Variants in PEAK1 observed in about 807,000 individuals in gnomAD.
PEAK1 encodes pseudopodium enriched atypical kinase 1, also known as inactive tyrosine-protein kinase PEAK1.
Under a neutral mutation model 124.7 loss-of-function variants are expected in PEAK1, and 54 were observed. The observed-to-expected ratio is 0.43, with a 90% CI of 0.35 to 0.54. The LOEUF (loss-of-function observed/expected upper bound fraction) is 0.54, where lower values mean the gene tolerates loss of function less well. Ranked by LOEUF, PEAK1 falls within the 20% of genes least tolerant of loss-of-function variation. The pLI is 0.01. For synonymous variants in PEAK1, 719 were observed against 760.0 expected (o/e 0.95, Z 0.89); for missense variants, 2,046 against 2,134.5 (o/e 0.96, Z 0.82).
intron 8 of PEAK1, among the ~76,000 whole-genome samples, chr15:77,135,213 C>A (rs1196767621): frequency 6.6e-6 from 1 of 152,210 alleles, no homozygotes; most frequent in East Asian, 1.9e-4. Flanking sequence ...CTCATACATT[C>A]TCCTACTATT....
At chr15:77,376,055 A>G (rs972215099) in intron 1 of PEAK1, among the ~76,000 whole-genome samples, 1 of 151,094 alleles carries the variant, frequency 6.6e-6, no homozygotes, top group Admixed American at 6.6e-5. Context: ...GTAATAATAA[A>G]AATAAATGAG....
chr15:77,257,169 C>T (rs141488831), intron 5 of PEAK1, among the ~76,000 whole-genome samples: 3,922 of 152,028 alleles, frequency 0.026, 74 homozygotes, highest in Middle Eastern at 0.065. Flanking sequence ...CTATTGTGAA[C>T]AGTGCCACAA....
chr15:77,127,150 G>GCT (rs202038970), intron 9 of PEAK1, among the ~76,000 whole-genome samples: 3 of 151,828 alleles, frequency 2.0e-5, no homozygotes, highest in Non-Finnish European at 4.4e-5. Flanking sequence ...TCTCTCTCAC[G>GCT]CTCTCTCTCT....
intron 6 of PEAK1, among the ~76,000 whole-genome samples, chr15:77,201,712 G>A (rs1377255713): frequency 6.6e-6 from 1 of 152,114 alleles, no homozygotes; most frequent in Non-Finnish European, 1.5e-5. Flanking sequence ...TGAAGTTCTA[G>A]CATATCCCAA....
chr15:77,296,143 G>C (rs2063475554), intron 2 of PEAK1, among the ~76,000 whole-genome samples: 1 of 152,158 alleles, frequency 6.6e-6, no homozygotes, highest in Non-Finnish European at 1.5e-5. Context: ...AAGGCACTAA[G>C]AGAGCAACGT....
chr15:77,291,966 G>C (rs1443493432), intron 2 of PEAK1, among the ~76,000 whole-genome samples: 1 of 118,302 alleles, frequency 8.5e-6, no homozygotes, highest in Non-Finnish European at 1.7e-5. Context: ...GACGGAGCAA[G>C]ACTCCGTCTC....
intron 2 of PEAK1, among the ~76,000 whole-genome samples, chr15:77,293,737 A>G (rs1218592594): frequency 1.3e-5 from 2 of 152,218 alleles, no homozygotes; most frequent in South Asian, 2.1e-4. Context: ...TGGATTTGTT[A>G]TATTATTCTC....
At chr15:77,101,449 C>T (rs2050693030) in exon 7 of PEAK1, 1 of 152,248 alleles carries the variant, frequency 6.6e-6, no homozygotes. Flanking sequence ...TAAATACCCA[C>T]TCAGAGTTTG....
chr15:77,376,316 G>C (rs2069023209), intron 1 of PEAK1, among the ~76,000 whole-genome samples: 1 of 152,036 alleles, frequency 6.6e-6, no homozygotes, highest in Non-Finnish European at 1.5e-5. Flanking sequence ...ATTAAGGGAA[G>C]AGTTTATCTT....
chr15:77,416,997 A>G (rs2072931835), intron 1 of PEAK1, among the ~76,000 whole-genome samples: 1 of 152,188 alleles, frequency 6.6e-6, no homozygotes, highest in Non-Finnish European at 1.5e-5. Context: ...CAGCACTGGT[A>G]TAAGATGTAC....
At chr15:77,145,555 T>C (rs12917081) in intron 8 of PEAK1, among the ~76,000 whole-genome samples, 11,689 of 152,194 alleles carry the variant, frequency 0.077, 557 homozygotes, top group Non-Finnish European at 0.1. Flanking sequence ...CTTAGGGTGC[T>C]AGGGATAAAG....
At chr15:77,395,608 A>T (rs1380413476) in intron 1 of PEAK1, among the ~76,000 whole-genome samples, 2 of 152,148 alleles carry the variant, frequency 1.3e-5, no homozygotes, top group Non-Finnish European at 1.5e-5. Context: ...GACTGGCGGG[A>T]GACTTTTCAG....
intron 1 of PEAK1, among the ~76,000 whole-genome samples, chr15:77,369,693 T>TTAATTCATTATAAATAATTAATAATTCA (rs557161793): frequency 0.011 from 1,694 of 152,270 alleles, 41 homozygotes; most frequent in African/African-American, 0.039. Flanking sequence ...CATAAATGGA[T>TTAATTCATTATAAATAATTAATAATTCA]GAAACAGGTC....
intron 8 of PEAK1, among the ~76,000 whole-genome samples, chr15:77,153,396 T>C (rs546075536): frequency 6.6e-6 from 1 of 152,328 alleles, no homozygotes; most frequent in South Asian, 2.1e-4. Context: ...TTAGTCTTGC[T>C]AGCGGTCTAT....
chr15:77,194,252 G>A (rs2057999087), intron 6 of PEAK1, among the ~76,000 whole-genome samples: 1 of 152,028 alleles, frequency 6.6e-6, no homozygotes, highest in Admixed American at 6.6e-5. Context: ...TTGAGTCCTG[G>A]ATTTTCATTG....
intron 2 of PEAK1, chr15:77,347,482 G>C: frequency 1.0e-6 from 1 of 985,326 alleles, no homozygotes; most frequent in Non-Finnish European, 1.2e-6. Flanking sequence ...TGGCACACCT[G>C]GACAAGGTGA....
intron 8 of PEAK1, among the ~76,000 whole-genome samples, chr15:77,152,538 G>T (rs938285010): frequency 6.6e-6 from 1 of 152,106 alleles, no homozygotes; most frequent in East Asian, 1.9e-4. Flanking sequence ...GAATAGGAGC[G>T]GTGAGAGAGG....
intron 8 of PEAK1, among the ~76,000 whole-genome samples, chr15:77,136,581 G>A (rs1303565496): frequency 1.3e-5 from 2 of 152,016 alleles, no homozygotes; most frequent in Non-Finnish European, 1.5e-5. Context: ...CAGGAGAATC[G>A]CTTGAACCTC....
intron 6 of PEAK1, among the ~76,000 whole-genome samples, chr15:77,192,226 A>G (rs1374354125): frequency 6.6e-6 from 1 of 152,206 alleles, no homozygotes; most frequent in African/African-American, 2.4e-5. Flanking sequence ...GAGAAAATGA[A>G]AAAGGCAAAG....
Sources: gnomAD v4.1 joint callset for allele counts (sites outside exome capture counted in the v4.1 genomes callset) on GRCh38, gnomAD v4.1.1 for gene constraint, MANE v1.5 for transcripts, NCBI Gene and HGNC (gene_info 2026-07-23, HGNC 2026-07-21) for gene names.